The following TRAF3IP3 variants were observed in gnomAD, a reference collection of about 807,000 sequenced individuals.
The protein encoded by TRAF3IP3 is TRAF3 interacting protein 3.
Under a neutral mutation model 86.5 loss-of-function variants are expected in TRAF3IP3, and 64 were observed. The ratio of observed to expected loss-of-function variants is 0.74; its 90% CI spans 0.60 to 0.91. The LOEUF (loss-of-function observed/expected upper bound fraction) is 0.91, where lower values mean the gene tolerates loss of function less well. Among genes scored for constraint, TRAF3IP3 ranks in the 40% least tolerant of loss-of-function variants. The pLI, the probability that TRAF3IP3 is intolerant of heterozygous loss-of-function variation, is 0.00. For synonymous variants in TRAF3IP3, 220 were observed against 243.9 expected (o/e 0.90, Z 0.91); for missense variants, 579 against 642.9 (o/e 0.90, Z 1.07).
At chr1:209,778,406 T>G (rs991887694) in intron 13 of TRAF3IP3, 5 of 479,844 alleles carry the variant, frequency 1.0e-5, no homozygotes, top group Non-Finnish European at 1.8e-5. Context: ...TGACACCACT[T>G]ACATTTCCCC....
Position 209,779,242 on chromosome 1 carries a change from A to G in TRAF3IP3, c.1253-73A>G, listed in dbSNP as rs111673292. ...AACATATTTAATAACCAAGGTTCTA[A>G]GCAAAGTTCTGAAAAGAAAACTTTT... is the stretch of plus-strand genomic sequence containing the variant. On this transcript the variant is annotated intron_variant, in intron 13 of 16. Coordinates refer to ENST00000367025, the MANE Select transcript of TRAF3IP3 (RefSeq NM_025228.4). The G allele has an allele frequency of 2.9e-5, 37 of 1,285,310 alleles. No individual in the cohort carries two copies. The African/African-American group carries it at 3.1e-4, about 11-fold the overall frequency. 79.6% of individuals were successfully genotyped at this position (1,285,310 alleles called of 1,614,324 possible). A position where few individuals can be genotyped will look rare whatever the true frequency, so the allele number is the denominator to read the frequency against.
intron 8 of TRAF3IP3, chr1:209,768,682 C>G: frequency 2.0e-6 from 2 of 985,574 alleles, no homozygotes; most frequent in Non-Finnish European, 2.4e-6. Flanking sequence ...CTCCGCCTTG[C>G]TCCTCTCTTC....
chr1:209,781,543 C>A, intron 16 of TRAF3IP3, 85 bp downstream of exon 16: 4 of 956,776 alleles, frequency 4.2e-6, no homozygotes, highest in South Asian at 4.1e-5. Flanking sequence ...AATATATCAG[C>A]CCACGCCAAC....
At chr1:209,764,849 A>G (rs1264438647) in intron 8 of TRAF3IP3, among the ~76,000 whole-genome samples, 8 of 152,036 alleles carry the variant, frequency 5.3e-5, no homozygotes. Flanking sequence ...TTGAAAATAT[A>G]TAAGAAATGT....
Position 209,775,634 on chromosome 1 carries a change from G to C in TRAF3IP3, c.951G>C (p.Glu317Asp). The change falls in exon 11 of 17, where the codon GAG becomes GAC. Residue 317 changes from glutamate to aspartate, a missense_variant. Glu to Asp is a conservative substitution (Grantham distance 45, BLOSUM62 2). Transcript: ENST00000367025. The part of the protein sequence containing the change: ...SLALAEQKCE[E>D]WRSQYEALKE... ...CCCTGGCAGAGCAGAAGTGTGAAGA[G>C]TGGAGGAGCCAGTATGAGGCTCTGA... 6.2e-7 allele frequency: 1 copy of C among 1,614,190 alleles called. No homozygotes were observed. The highest frequency in any genetic ancestry group is 8.5e-7 in the Non-Finnish European group (1 of 1,180,030).
chr1:209,781,581 G>A, intron 16 of TRAF3IP3, 123 bp downstream of exon 16: 1 of 660,092 alleles, frequency 1.5e-6, no homozygotes, highest in Non-Finnish European at 2.7e-6. Flanking sequence ...CACTGTGCTT[G>A]GTTTATACTA....
chr1:209,781,511 T>C, intron 16 of TRAF3IP3, 53 bp downstream of exon 16: 1 of 1,349,154 alleles, frequency 7.4e-7, no homozygotes, highest in Non-Finnish European at 1.1e-6. Context: ...CGATTCCTTC[T>C]TTAACCAAGT....
rs1402524828 is a variant in TRAF3IP3, at chr1:209,760,207, G to A, written c.168G>A (p.Gln56=). 13 of 1,614,262 alleles carry A rather than the reference G, an allele frequency of 8.1e-6. No individual in the cohort carries two copies. The highest frequency in any genetic ancestry group is 1.0e-5 in the Non-Finnish European group (12 of 1,180,046). The part of the protein sequence containing the change: ...GKTLRIQQRE[Q]LQRARLQQFF... ...CGCTGAGGATCCAACAGAGAGAGCAGCTCCAGAGAGCTCGACTGCAGCAGT... is the reference window on the plus strand; with the variant it reads ...CGCTGAGGATCCAACAGAGAGAGCAACTCCAGAGAGCTCGACTGCAGCAGT... The change falls in exon 3 of 17, where the codon CAG becomes CAA. Residue 56 remains glutamine, a synonymous_variant. Transcript: ENST00000367025.
chr1:209,770,946 G>GTGTCCCTA (rs2077482861), intron 8 of TRAF3IP3, among the ~76,000 whole-genome samples: 1 of 145,202 alleles, frequency 6.9e-6, no homozygotes, highest in Non-Finnish European at 1.5e-5. Flanking sequence ...GTGGAGGTGT[G>GTGTCCCTA]CGTGTGCATG....
chr1:209,773,010 C>G lies in TRAF3IP3; in HGVS notation c.765C>G (p.Thr255=). 1 of 1,611,842 alleles carries G rather than the reference C, an allele frequency of 6.2e-7. No homozygotes were observed. Among genetic ancestry groups the G allele is most frequent in the East Asian group, 2.2e-5 (1 of 44,782 alleles). ...GATCCTTAGAAAACCAGCTATACAC[C>G]TGTACCCAGGTAAGCATTCTGAAGG... ...KLRSLENQLY[T]CTQKYSPWGM... The change falls in exon 9 of 17, where the codon ACC becomes ACG. Residue 255 remains threonine, a synonymous_variant. Transcript: ENST00000367025.
rs2077754410 is a variant in TRAF3IP3, at chr1:209,780,548, G to C, written c.1391G>C (p.Trp464Ser). Reference protein sequence around the residue: ...EPEGTGKEKDWDLRDQLQKKT... With the variant: ...EPEGTGKEKDSDLRDQLQKKT... ...GAGGGTACAGGGAAGGAGAAAGACT[G>C]GGATCTCAGAGACCAGCTGCAAAAG... Residue 464 changes from tryptophan to serine, a missense_variant, in exon 15 of 17, where the codon TGG becomes TCG. Coordinates refer to ENST00000367025, the MANE Select transcript of TRAF3IP3 (RefSeq NM_025228.4). 1 of 1,601,706 alleles carries C rather than the reference G, an allele frequency of 6.2e-7. No homozygotes were observed. The highest frequency in any genetic ancestry group is 1.3e-5 in the African/African-American group (1 of 74,220).
At chr1:209,759,889 CTG>C (rs889445687) in intron 2 of TRAF3IP3, 91 bp from the exon 3 acceptor site, 4 of 642,794 alleles carry the variant, frequency 6.2e-6, no homozygotes, top group Non-Finnish European at 1.1e-5. Context: ...GGATGGAACT[CTG>C]TGCTATTTCT....
In TRAF3IP3 at chr1:209,778,113, C is replaced by G. The variant is rs200734308; in HGVS notation, c.1192C>G (p.Gln398Glu). The change falls in exon 13 of 17, where the codon CAA becomes GAA. Residue 398 changes from glutamine (Q) to glutamate (E), a missense_variant and splice_region_variant. By Grantham distance (29) the Gln-to-Glu change is conservative (BLOSUM62 2). Transcript: ENST00000367025. Reference sequence around the variant, plus strand: ...GGCTTGCATTATTGCATTTTCAGATCAACTAAAAAGGTCAGAGGCAGAGAA... The same window carrying G: ...GGCTTGCATTATTGCATTTTCAGATGAACTAAAAAGGTCAGAGGCAGAGAA... ...CSLDTQDLQD[Q>E]LKRSEAEKLT... 8.9e-5 allele frequency: 143 copies of G among 1,613,794 alleles called. 1 individual carries two copies. In the South Asian group the frequency reaches 1.3e-3, roughly 15 times the overall value.
At position 209,763,390 on chromosome 1, in the gene TRAF3IP3, A is replaced by G. The variant is rs750601439; in HGVS notation, c.604A>G (p.Lys202Glu). Reference protein sequence around the residue: ...KEIIQLSDYLKEALQRELVLK... With the variant: ...KEIIQLSDYLEEALQRELVLK... ...AATCATCCAGCTTTCTGATTACCTCAAAGTAAGTGGCATGTGACCCCTCCC... is the reference window on the plus strand; with the variant it reads ...AATCATCCAGCTTTCTGATTACCTCGAAGTAAGTGGCATGTGACCCCTCCC... The change falls in exon 7 of 17, where the codon AAA (lysine) becomes GAA (glutamate). Residue 202 changes from lysine to glutamate, a missense_variant and splice_region_variant. Transcript: ENST00000367025. The G allele has an allele frequency of 1.2e-6, 2 of 1,613,898 alleles. No homozygotes were observed. The highest frequency in any genetic ancestry group is 2.2e-5 in the South Asian group (2 of 91,064).
In TRAF3IP3 at chr1:209,762,804, A is replaced by G; in HGVS notation, c.494-9A>G. On this transcript the variant is annotated splice_polypyrimidine_tract_variant and intron_variant, in intron 4 of 16. Coordinates refer to ENST00000367025, the MANE Select transcript of TRAF3IP3 (RefSeq NM_025228.4). ...TAAGTTCTAAATCAACTTATCCTCC[A>G]TCTCTCAGGTACTCAGACAAAGGCA... 1.3e-6 allele frequency: 2 copies of G among 1,534,714 alleles called. No individual in the cohort carries two copies. Among genetic ancestry groups the G allele is most frequent in the Non-Finnish European group, 8.7e-7 (1 of 1,146,180 alleles).
At chr1:209,766,030 G>A (rs982676292) in intron 8 of TRAF3IP3, among the ~76,000 whole-genome samples, 6 of 152,216 alleles carry the variant, frequency 3.9e-5, no homozygotes, top group Non-Finnish European at 7.3e-5. Context: ...GGAAAGAGAT[G>A]GAGCACACAA....
chr1:209,780,690 A>C, intron 15 of TRAF3IP3, 84 bp downstream of exon 15: 1 of 1,328,744 alleles, frequency 7.5e-7, no homozygotes, highest in Non-Finnish European at 9.9e-7. Context: ...AGGGATTTCA[A>C]AGTTTAAGTT....
At chr1:209,764,743 CAA>C (rs58783495) in intron 8 of TRAF3IP3, among the ~76,000 whole-genome samples, 14 of 99,860 alleles carry the variant, frequency 1.4e-4, no homozygotes, top group Admixed American at 4.3e-4. Flanking sequence ...GACTCCATCT[CAA>C]AAAAAAAAAA....
chr1:209,778,020 AAGAC>A, intron 12 of TRAF3IP3, 87 bp from the exon 13 acceptor site: 1 of 1,137,246 alleles, frequency 8.8e-7, no homozygotes, highest in Non-Finnish European at 1.3e-6. Flanking sequence ...AGACCATGAC[AAGAC>A]AGCATCTATT....
Sources: allele counts gnomAD v4.1 joint callset (sites outside exome capture counted in the v4.1 genomes callset), GRCh38; gene constraint gnomAD v4.1.1; transcripts MANE v1.5; gene names NCBI Gene and HGNC (gene_info 2026-07-23, HGNC 2026-07-21).